FADS3: variants seen among roughly 807,000 people sequenced by gnomAD.
FADS3 encodes the protein fatty acid desaturase 3.
FADS3 carries 30 observed loss-of-function variants against 60.4 expected under a neutral mutation model. The ratio of observed to expected loss-of-function variants is 0.50; its 90% CI spans 0.37 to 0.67. The LOEUF is 0.67. Among genes scored for constraint, FADS3 ranks in the 30% least tolerant of loss-of-function variants. FADS3 has a pLI of 0.00. For synonymous variants in FADS3, 234 were observed against 249.3 expected (o/e 0.94, Z 0.58); for missense variants, 432 against 598.3 (o/e 0.72, Z 2.90).
intron 11 of FADS3, among the ~76,000 whole-genome samples, chr11:61,874,393 G>A (rs1937792354): frequency 6.6e-6 from 1 of 152,218 alleles, no homozygotes; most frequent in South Asian, 2.1e-4. Context: ...CAGGAAGGAA[G>A]GGCAACCAAG....
At chr11:61,886,242 T>TCTCCACCACTGACCTCTGG (rs1938313512) in intron 1 of FADS3, 1 of 152,248 alleles carries the variant, frequency 6.6e-6, no homozygotes, top group South Asian at 2.1e-4. Context: ...CCTGGTCCTC[T>TCTCCACCACTGACCTCTGG]CTCCACCACT....
At position 61,885,242 on chromosome 11, in the gene FADS3, G is replaced by C. The variant is rs189827929; in HGVS notation, c.214-5091C>G. Among the ~76,000 whole-genome samples, 162 of 152,232 alleles carry C rather than the reference G, an allele frequency of 1.1e-3. 1 individual carries two copies. The highest frequency in any genetic ancestry group is 0.01 in the Middle Eastern group (3 of 294). On this transcript the variant is annotated intron_variant, in intron 1 of 11. Coordinates refer to ENST00000278829, the MANE Select transcript of FADS3 (RefSeq NM_021727.5). ...AATCCCACACAGCAGCTGGTCGGGGGGGTGTCCCAGAGCCAGCCTGCCCAG... is the reference window on the plus strand; with the variant it reads ...AATCCCACACAGCAGCTGGTCGGGGCGGTGTCCCAGAGCCAGCCTGCCCAG...
At position 61,875,864 on chromosome 11, in the gene FADS3, C is replaced by G; in HGVS notation, c.1273G>C (p.Val425Leu). The change falls in exon 11 of 12, where the codon GTG (valine) becomes CTG (leucine). Residue 425 changes from valine (V) to leucine (L), a missense_variant. Val to Leu is a conservative substitution (Grantham distance 32). Transcript: ENST00000278829. Reference protein sequence around the residue: ...YEVKPFLTALVDIVRSLKKSG... With the variant: ...YEVKPFLTALLDIVRSLKKSG... ...CTGCAGCCTCACCTGACGATGTCCA[C>G]CAGCGCGGTGAGGAAGGGCTTCACT... The G allele has an allele frequency of 1.2e-6, 2 of 1,613,238 alleles. No individual in the cohort carries two copies. Among genetic ancestry groups the G allele is most frequent in the African/African-American group, 1.3e-5 (1 of 75,044 alleles).
chr11:61,887,547 C>T (rs575134575), intron 1 of FADS3, among the ~76,000 whole-genome samples: 2 of 152,206 alleles, frequency 1.3e-5, no homozygotes, highest in South Asian at 4.1e-4. Context: ...CCAGCCCGGC[C>T]GCCTCTAGAC....
Position 61,877,946 on chromosome 11 carries a change from A to G in FADS3, c.808+209T>C. 3.3e-6 allele frequency: 2 copies of G among 611,688 alleles called. No individual in the cohort carries two copies. The highest frequency in any genetic ancestry group is 5.8e-6 in the Non-Finnish European group (2 of 344,030). 37.9% of individuals were successfully genotyped at this position (611,688 alleles called of 1,614,324 possible). A position where few individuals can be genotyped will look rare whatever the true frequency, so the allele number is the denominator to read the frequency against. ...CAGGGCTGTGATGGCCCGTGGCTGCAAGGTGTCCCAGGCACGGGAGACAGC... is the reference window on the plus strand; with the variant it reads ...CAGGGCTGTGATGGCCCGTGGCTGCGAGGTGTCCCAGGCACGGGAGACAGC... On this transcript the variant is annotated intron_variant, in intron 6 of 11. Coordinates refer to ENST00000278829, the MANE Select transcript of FADS3 (RefSeq NM_021727.5). The surrounding 1 kb of genome is among the most constrained non-coding windows in gnomAD (Gnocchi z 4.7).
intron 11 of FADS3, among the ~76,000 whole-genome samples, chr11:61,875,542 G>T (rs1186330165): frequency 6.6e-6 from 1 of 152,112 alleles, no homozygotes; most frequent in Admixed American, 6.6e-5. Context: ...CCTGAGACAT[G>T]GCTTCTGTTT....
rs1275471282 is a variant in FADS3, at chr11:61,891,170, G to T, written c.212C>A (p.Thr71Lys). ...GTGGCTTCCTTATGGCTTCCTTACCGTGGCGTCCTCAGCGCCGTGGTGGCC... is the reference window on the plus strand; with the variant it reads ...GTGGCTTCCTTATGGCTTCCTTACCTTGGCGTCCTCAGCGCCGTGGTGGCC... Reference protein sequence around the residue: ...LIGHHGAEDATDAFRAFHQDL... With the variant: ...LIGHHGAEDAKDAFRAFHQDL... The change falls in exon 1 of 12, where the codon ACG becomes AAG. Residue 71 changes from threonine (T) to lysine (K), a missense_variant and splice_region_variant. Coordinates refer to ENST00000278829, the MANE Select transcript of FADS3 (RefSeq NM_021727.5). 2 of 1,557,910 alleles carry T rather than the reference G, an allele frequency of 1.3e-6. No individual in the cohort carries two copies.
upstream of FADS3, chr11:61,891,615 C>A: frequency 5.7e-6 from 1 of 175,746 alleles, no homozygotes; most frequent in African/African-American, 2.4e-5. Context: ...GCCCCCCCGC[C>A]CCCGGCCAGG....
rs768481436 is a variant in FADS3 at position 61,873,825 on chromosome 11, G to A, written c.1327C>T (p.Leu443Phe). The change falls in exon 12 of 12, where the codon CTC becomes TTC. Residue 443 changes from leucine (L) to phenylalanine (F), a missense_variant. Physicochemically the swap from Leu to Phe is conservative, Grantham distance 22 (BLOSUM62 0). Coordinates refer to ENST00000278829, the MANE Select transcript of FADS3 (RefSeq NM_021727.5). ...KSGDIWLDAY[L>F]HQ ...CCTGGGTGTTGCCTTCACTGATGGA[G>A]GTAGGCGTCCAGCCAGATGTCACCA... 2 of 1,611,888 alleles carry A rather than the reference G, an allele frequency of 1.2e-6. No homozygotes were observed. The highest frequency in any genetic ancestry group is 1.3e-5 in the African/African-American group (1 of 74,956).
At position 61,873,627 on chromosome 11, in the gene FADS3, G is replaced by A. The variant is rs894197675; in HGVS notation, c.*187C>T. ...CTTCCCTCTACCCCTGTCCCATCAG[G>A]CCCAGAGCCAAGGCCATAGGGCTGC... On this transcript the variant is annotated 3_prime_UTR_variant, in exon 12 of 12. Transcript: ENST00000278829. The A allele has an allele frequency of 9.7e-6, 6 of 616,348 alleles. No individual in the cohort carries two copies. Among genetic ancestry groups the A allele is most frequent in the Admixed American group, 8.0e-5 (3 of 37,328 alleles). The allele number at this position is 616,348 out of a possible 1,614,324, so 38.2% of individuals were successfully genotyped here.
Position 61,876,417 on chromosome 11 carries a change from A to C in FADS3, c.1022T>G (p.Met341Arg). 6.2e-7 allele frequency: 1 copy of C among 1,613,428 alleles called. No individual in the cohort carries two copies. Among genetic ancestry groups the C allele is most frequent in the Non-Finnish European group, 8.5e-7 (1 of 1,179,990 alleles). ...GCCGATCTCCTTGGGGATGTGGTTCATCTGTGTGATCCACACGAACCAGTG... is the reference window on the plus strand; with the variant it reads ...GCCGATCTCCTTGGGGATGTGGTTCCTCTGTGTGATCCACACGAACCAGTG... ...ESHWFVWITQ[M>R]NHIPKEIGHE... is the part of the protein sequence containing the mutation. The change falls in exon 9 of 12, where the codon ATG (methionine) becomes AGG (arginine). Residue 341 changes from methionine to arginine, a missense_variant. Physicochemically the swap from Met to Arg is moderately conservative, Grantham distance 91. This residue lies in a region of FADS3 where 48 missense variants were observed against 101.3 expected (regional missense o/e 0.47). Transcript: ENST00000278829. The surrounding 1 kb of genome is among the most constrained non-coding windows in gnomAD (Gnocchi z 5.7).
chr11:61,877,350 C>T lies in FADS3; in HGVS notation c.885+161G>A, dbSNP rs1397524600. ...CACGGGCACACTCGCTCTCCTGCTG[C>T]GCGCACACATGTGAGCCACACTGTT... is the stretch of plus-strand genomic sequence containing the variant. On this transcript the variant is annotated intron_variant, in intron 7 of 11. Transcript: ENST00000278829. This position sits in a 1 kb window ranked among gnomAD's most constrained non-coding sequence, Gnocchi z 4.7. The T allele has an allele frequency of 2.4e-5, 11 of 464,494 alleles. No individual in the cohort carries two copies. Among genetic ancestry groups the T allele is most frequent in the Admixed American group, 5.5e-5 (2 of 36,566 alleles). The allele number at this position is 464,494 out of a possible 1,614,324, so 28.8% of individuals were successfully genotyped here.
In FADS3 at chr11:61,877,440, G is replaced by T; in HGVS notation, c.885+71C>A. 1 of 1,450,268 alleles carries T rather than the reference G, an allele frequency of 6.9e-7. No individual in the cohort carries two copies. Among genetic ancestry groups the T allele is most frequent in the Non-Finnish European group, 9.6e-7 (1 of 1,040,994 alleles). 89.8% of individuals were successfully genotyped at this position (1,450,268 alleles called of 1,614,324 possible). ...GCACCCTGTTTGCCTTCATGGGCAG[G>T]TACTGTCCCCCGAGGCACCACCTCC... On this transcript the variant is annotated intron_variant, in intron 7 of 11. Transcript: ENST00000278829. The surrounding 1 kb of genome is among the most constrained non-coding windows in gnomAD (Gnocchi z 4.7).
intron 1 of FADS3, among the ~76,000 whole-genome samples, chr11:61,888,544 TAAGAGACAGCCTA>T (rs1323292301): frequency 6.6e-6 from 1 of 152,218 alleles, no homozygotes; most frequent in Non-Finnish European, 1.5e-5. Flanking sequence ...TTGAGGGAGC[TAAGAGACAGCCTA>T]AAGTGTCCCT....
chr11:61,878,377 C>G (rs188983760), intron 5 of FADS3, 135 bp downstream of exon 5: 8 of 1,415,462 alleles, frequency 5.7e-6, no homozygotes, highest in Non-Finnish European at 7.8e-6. Context: ...AGGAAAGACA[C>G]GGGGGCAGAG....
In FADS3 at chr11:61,876,232, GAT is replaced by G. The variant is rs1937876880; in HGVS notation, c.1081-44_1081-43del. 1 of 1,578,860 alleles carries G rather than the reference GAT, an allele frequency of 6.3e-7. No homozygotes were observed. The highest frequency in any genetic ancestry group is 1.3e-5 in the African/African-American group (1 of 74,292). On this transcript the variant is annotated intron_variant, in intron 9 of 11. Coordinates refer to ENST00000278829, the MANE Select transcript of FADS3 (RefSeq NM_021727.5). This position sits in a 1 kb window ranked among gnomAD's most constrained non-coding sequence, Gnocchi z 5.7. ...GGGCACATGTGAGGAGGCCGTTGCA[GAT>G]CCCTGACCCCACGGCACCATCCCCC... is the stretch of plus-strand genomic sequence containing the variant.
chr11:61,879,125 A>G (rs1938026440), intron 3 of FADS3, among the ~76,000 whole-genome samples, 187 bp downstream of exon 3: 1 of 152,246 alleles, frequency 6.6e-6, no homozygotes, highest in South Asian at 2.1e-4. Context: ...CTCATCTGGA[A>G]TGCAGCTTGA....
chr11:61,876,257 C>G lies in FADS3; in HGVS notation c.1081-67G>C. Reference sequence around the variant, plus strand: ...GATCCCTGACCCCACGGCACCATCCCCCACCTGGCAGCCCCGTCAGGGCCT... The same window carrying G: ...GATCCCTGACCCCACGGCACCATCCGCCACCTGGCAGCCCCGTCAGGGCCT... On this transcript the variant is annotated intron_variant, in intron 9 of 11. Transcript: ENST00000278829. The surrounding 1 kb of genome is among the most constrained non-coding windows in gnomAD (Gnocchi z 5.7). 2 of 1,574,114 alleles carry G rather than the reference C, an allele frequency of 1.3e-6. No individual in the cohort carries two copies. The highest frequency in any genetic ancestry group is 1.1e-5 in the South Asian group (1 of 87,890).
rs757226141 is a variant in FADS3, at chr11:61,877,585, C to T, written c.811G>A (p.Gly271Ser). 3.8e-5 allele frequency: 61 copies of T among 1,613,392 alleles called. No homozygotes were observed. Among genetic ancestry groups the T allele is most frequent in the African/African-American group, 1.3e-5 (1 of 74,914 alleles). Residue 271 changes from glycine (G) to serine (S), a missense_variant and splice_region_variant, in exon 7 of 12, where the codon GGC becomes AGC. Physicochemically the swap from Gly to Ser is moderately conservative, Grantham distance 56 (BLOSUM62 0). Coordinates refer to ENST00000278829, the MANE Select transcript of FADS3 (RefSeq NM_021727.5). The surrounding 1 kb of genome is among the most constrained non-coding windows in gnomAD (Gnocchi z 4.7). ...TTCACCAGGGTGAGCAGCGGCGGGC[C>T]GACTGCAAGAAGGGGCATGAGAGTG... ...NQQHLYFFLI[G>S]PPLLTLVNFE...
Sources: allele counts gnomAD v4.1 joint callset (sites outside exome capture counted in the v4.1 genomes callset), GRCh38; gene constraint gnomAD v4.1.1; regional missense constraint gnomAD v4.1.1; non-coding constraint Gnocchi (gnomAD v3.1); transcripts MANE v1.5; gene names NCBI Gene and HGNC (gene_info 2026-07-23, HGNC 2026-07-21).